FANCB: variants seen among roughly 807,000 people sequenced by gnomAD.
FANCB encodes the protein Fanconi anemia group B protein.
FANCB carries 5 observed loss-of-function variants against 38.9 expected under a neutral mutation model. The observed-to-expected ratio is 0.13, with a 90% CI of 0.07 to 0.27. The LOEUF (loss-of-function observed/expected upper bound fraction) is 0.27, where lower values mean the gene tolerates loss of function less well. Ranked by LOEUF, FANCB falls within the 10% of genes least tolerant of loss-of-function variation. The pLI, the probability that FANCB is intolerant of heterozygous loss-of-function variation, is 1.00. For synonymous variants in FANCB, 236 were observed against 215.4 expected (o/e 1.10, Z -0.84); for missense variants, 573 against 602.7 (o/e 0.95, Z 0.52).
At chrX:14,698,441 G>A in the FANCB span, among the ~76,000 whole-genome samples, 1 of 109,528 alleles carries the variant, frequency 9.1e-6, no homozygotes, top group African/African-American at 3.3e-5. Context: ...CACTTTGGGA[G>A]GCCGAGGTGG....
chrX:14,799,350 T>G, the FANCB span, among the ~76,000 whole-genome samples: 1 of 112,060 alleles, frequency 8.9e-6, no homozygotes, highest in Admixed American at 9.5e-5. Flanking sequence ...TGGCCAGGGT[T>G]GAAGTCCTAC....
chrX:14,860,418 C>T (rs1051660918), intron 3 of FANCB, among the ~76,000 whole-genome samples: 3 of 111,976 alleles, frequency 2.7e-5, no homozygotes, highest in African/African-American at 6.5e-5. Flanking sequence ...TGGGAAAAGA[C>T]ATTAGTAATA....
At chrX:14,842,512 C>T (rs1348362356), downstream of FANCB, among the ~76,000 whole-genome samples, 1 of 111,834 alleles carries the variant, frequency 8.9e-6, no homozygotes, top group Non-Finnish European at 1.9e-5. Context: ...TATCCTTTTG[C>T]GTCTTTTTCT....
chrX:14,834,995 C>G, downstream of FANCB: 1 of 628,990 alleles, frequency 1.6e-6, no homozygotes, highest in Non-Finnish European at 2.7e-6. Flanking sequence ...CACTAATATG[C>G]ACTGGCCCTG....
Position 14,843,429 on chromosome X carries a change from G to A in FANCB, c.*138C>T, listed in dbSNP as rs1374527902. On this transcript the variant is annotated 3_prime_UTR_variant, in exon 10 of 10. Transcript: ENST00000650831. The stretch of plus-strand genomic sequence containing the variant: ...GTTGAGAACCACTGCTGTTTATTTT[G>A]TGCATCATCAAAACTAAAGTTTCTA... The A allele has an allele frequency of 1.8e-5, 8 of 445,806 alleles. No homozygotes were observed. Among genetic ancestry groups the A allele is most frequent in the Non-Finnish European group, 3.0e-5 (8 of 265,142 alleles). 36.7% of individuals were successfully genotyped at this position (445,806 alleles called of 1,213,427 possible).
At chrX:14,691,390 T>C in the FANCB span, among the ~76,000 whole-genome samples, 69 of 110,330 alleles carry the variant, frequency 6.3e-4, no homozygotes, top group Non-Finnish European at 9.5e-4. Context: ...TCTGGCTTTA[T>C]GTAAATTATG....
chrX:14,768,435 G>A, the FANCB span, among the ~76,000 whole-genome samples: 1,843 of 110,994 alleles, frequency 0.017, 10 homozygotes, highest in Non-Finnish European at 0.022. Context: ...GTGAATGGGC[G>A]TTCATTCATG....
the FANCB span, among the ~76,000 whole-genome samples, chrX:14,812,875 T>C: frequency 1.8e-5 from 2 of 108,679 alleles, no homozygotes; most frequent in Non-Finnish European, 3.8e-5. Flanking sequence ...AAGAGAATTT[T>C]AGACCAATAT....
At chrX:14,760,497 T>C in the FANCB span, among the ~76,000 whole-genome samples, 1 of 111,732 alleles carries the variant, frequency 8.9e-6, no homozygotes, top group African/African-American at 3.3e-5. Context: ...GTAGAGTGAC[T>C]ATGATTAACA....
the FANCB span, among the ~76,000 whole-genome samples, chrX:14,719,747 C>T: frequency 1.1e-3 from 122 of 111,794 alleles, no homozygotes; most frequent in Middle Eastern, 4.7e-3. Context: ...TATCTGCACT[C>T]CCATATTTAC....
At chrX:14,701,267 T>G in the FANCB span, among the ~76,000 whole-genome samples, 1 of 111,213 alleles carries the variant, frequency 9.0e-6, no homozygotes, top group African/African-American at 3.3e-5. Flanking sequence ...TGTAGGGGCA[T>G]CAATGTGCTG....
the FANCB span, among the ~76,000 whole-genome samples, chrX:14,789,011 C>T: frequency 8.9e-6 from 1 of 112,085 alleles, no homozygotes; most frequent in Non-Finnish European, 1.9e-5. Context: ...ATATTTATTT[C>T]AGTATGTACA....
chrX:14,852,462 C>T (rs1263175376), intron 6 of FANCB, among the ~76,000 whole-genome samples: 1 of 110,781 alleles, frequency 9.0e-6, no homozygotes, highest in African/African-American at 3.3e-5. Context: ...CCACCACGCC[C>T]GGCCCTGAGG....
chrX:14,850,813 G>A, intron 6 of FANCB, 139 bp from the exon 7 acceptor site: 1 of 429,134 alleles, frequency 2.3e-6, no homozygotes, highest in South Asian at 4.0e-5. Context: ...TCATATTATA[G>A]ATTATACACA....
the FANCB span, among the ~76,000 whole-genome samples, chrX:14,725,132 G>C: frequency 8.9e-6 from 1 of 111,850 alleles, no homozygotes; most frequent in African/African-American, 3.3e-5. Flanking sequence ...AGAAATATGT[G>C]ACTTGAAAGA....
At chrX:14,852,118 T>G in intron 6 of FANCB, among the ~76,000 whole-genome samples, 1 of 111,578 alleles carries the variant, frequency 9.0e-6, no homozygotes, top group Middle Eastern at 4.6e-3. Flanking sequence ...TTTGCTAACT[T>G]CCTACATTAA....
At chrX:14,793,319 G>T in the FANCB span, among the ~76,000 whole-genome samples, 33 of 112,167 alleles carry the variant, frequency 2.9e-4, no homozygotes, top group Non-Finnish European at 3.4e-4. Context: ...ACCAGATATT[G>T]TATGGTTCCA....
chrX:14,814,082 C>T, the FANCB span, among the ~76,000 whole-genome samples: 2 of 111,803 alleles, frequency 1.8e-5, no homozygotes, highest in African/African-American at 6.5e-5. Flanking sequence ...GGAAAAGATT[C>T]CCTATTTAAT....
chrX:14,758,001 T>C, the FANCB span, among the ~76,000 whole-genome samples: 1 of 111,515 alleles, frequency 9.0e-6, no homozygotes, highest in African/African-American at 3.3e-5. Flanking sequence ...GGAAATAAAC[T>C]AGGTGCTGTT....
Sources: gnomAD v4.1 joint callset for allele counts (sites outside exome capture counted in the v4.1 genomes callset) on GRCh38, gnomAD v4.1.1 for gene constraint, MANE v1.5 for transcripts, NCBI Gene and HGNC (gene_info 2026-07-23, HGNC 2026-07-21) for gene names.